Variants in VPS8 observed in about 807,000 individuals in gnomAD.
The protein encoded by VPS8 is vacuolar protein sorting-associated protein 8 homolog.
A neutral mutation model predicts 216.4 loss-of-function variants in VPS8; 129 were observed. That is an observed-to-expected ratio of 0.60 (90% CI 0.52 to 0.69). VPS8 has a LOEUF of 0.69. VPS8 is among the 30% of genes least tolerant of loss of function. The pLI is 0.00. For synonymous variants in VPS8, 571 were observed against 565.4 expected (o/e 1.01, Z -0.14); for missense variants, 1,531 against 1,683.5 (o/e 0.91, Z 1.59).
chr3:184,943,702 G>A (rs544310252), intron 36 of VPS8, among the ~76,000 whole-genome samples: 2 of 152,348 alleles, frequency 1.3e-5, no homozygotes, highest in African/African-American at 4.8e-5. Flanking sequence ...AGGACTGCTG[G>A]TGTGTATGTA....
At chr3:184,827,337 G>C (rs1412914038) in intron 3 of VPS8, among the ~76,000 whole-genome samples, 1 of 152,098 alleles carries the variant, frequency 6.6e-6, no homozygotes, top group South Asian at 2.1e-4. Flanking sequence ...TTTTAACTTT[G>C]AATGTGTTCT....
At chr3:184,909,457 CCT>C (rs1736090239) in intron 25 of VPS8, among the ~76,000 whole-genome samples, 1 of 152,106 alleles carries the variant, frequency 6.6e-6, no homozygotes, top group South Asian at 2.1e-4. Context: ...GGTCTTTTTT[CCT>C]CTCTGTTTTT....
At position 184,898,687 on chromosome 3, in the gene VPS8, A is replaced by G. The variant is rs1733955317; in HGVS notation, c.2094+33A>G. On this transcript the variant is annotated intron_variant, in intron 24 of 47. Transcript: ENST00000625842. The stretch of plus-strand genomic sequence containing the variant: ...ACTTCCTAACTTGGATACGTAATTA[A>G]TTTTGTCTACTAACTTTTTTCTCCT... The G allele has an allele frequency of 5.4e-6, 8 of 1,475,510 alleles. No individual in the cohort carries two copies. In the South Asian group the frequency reaches 6.6e-5, roughly 12 times the overall value. 91.4% of individuals were successfully genotyped at this position (1,475,510 alleles called of 1,614,324 possible).
intron 1 of VPS8, among the ~76,000 whole-genome samples, chr3:184,813,548 G>A (rs1287221565): frequency 6.6e-6 from 1 of 152,174 alleles, no homozygotes; most frequent in Admixed American, 6.5e-5. Flanking sequence ...TAGCTGGCCT[G>A]TTCCATAGAA....
At chr3:184,915,549 A>C in intron 28 of VPS8, 75 bp downstream of exon 28, 44 of 1,502,596 alleles carry the variant, frequency 2.9e-5, no homozygotes, top group Non-Finnish European at 3.8e-5. Flanking sequence ...GTGGTGGCTC[A>C]CCCCTGTAAT....
chr3:184,842,613 A>G (rs1436134716), intron 7 of VPS8, among the ~76,000 whole-genome samples: 2 of 152,196 alleles, frequency 1.3e-5, no homozygotes, highest in South Asian at 2.1e-4. Context: ...TGGCAGAGTA[A>G]TAATACTATA....
rs1273145198 is a variant in VPS8 at position 184,993,363 on chromosome 3, GTT to G, written c.3586-611_3586-610del. Among the ~76,000 whole-genome samples, 21 of 150,834 alleles carry G rather than the reference GTT, an allele frequency of 1.4e-4. No individual in the cohort carries two copies. In the South Asian group the frequency reaches 1.5e-3, roughly 11 times the overall value. On this transcript the variant is annotated intron_variant, in intron 42 of 47. Coordinates refer to ENST00000625842, the MANE Select transcript of VPS8 (RefSeq NM_001009921.3). ...TTTTGTTTTGTTTTTTGTTTTTTGG[GTT>G]TTTTTTTTGTACACTTCAGTGTTTC...
chr3:184,877,054 A>T (rs1729398766), intron 21 of VPS8, among the ~76,000 whole-genome samples: 1 of 152,166 alleles, frequency 6.6e-6, no homozygotes, highest in African/African-American at 2.4e-5. Context: ...CTGTTATACT[A>T]GAGTTCTTTC....
At chr3:184,872,133 C>G (rs943772916) in intron 21 of VPS8, among the ~76,000 whole-genome samples, 1 of 151,872 alleles carries the variant, frequency 6.6e-6, no homozygotes, top group African/African-American at 2.4e-5. Context: ...CTTGTGTATA[C>G]CAATGCAGTA....
intron 25 of VPS8, among the ~76,000 whole-genome samples, chr3:184,913,240 C>T (rs1736889792): frequency 6.6e-6 from 1 of 152,204 alleles, no homozygotes; most frequent in Non-Finnish European, 1.5e-5. Context: ...TACACCTTCC[C>T]TTGGCCCCAA....
At chr3:185,031,078 T>TG (rs1561199754) in intron 46 of VPS8, among the ~76,000 whole-genome samples, 8 of 148,454 alleles carry the variant, frequency 5.4e-5, no homozygotes, top group African/African-American at 2.0e-4. Flanking sequence ...TTTTTTTTTT[T>TG]TTTTTTTTTT....
At chr3:185,027,617 C>CACATT (rs1757576512) in intron 46 of VPS8, among the ~76,000 whole-genome samples, 1 of 152,160 alleles carries the variant, frequency 6.6e-6, no homozygotes, top group Non-Finnish European at 1.5e-5. Flanking sequence ...ACACTGTTAT[C>CACATT]AGAGTGAGAG....
intron 25 of VPS8, among the ~76,000 whole-genome samples, chr3:184,907,288 C>T (rs759345212): frequency 3.3e-5 from 5 of 152,172 alleles, no homozygotes; most frequent in Admixed American, 6.5e-5. Flanking sequence ...TGCATTTTTA[C>T]ATAAACAATA....
intron 45 of VPS8, among the ~76,000 whole-genome samples, chr3:185,007,345 C>G (rs1413889743): frequency 6.6e-6 from 1 of 152,170 alleles, no homozygotes; most frequent in Non-Finnish European, 1.5e-5. Context: ...TACTCACTTA[C>G]ATTAATACAA....
chr3:184,933,223 C>CT (rs1441555649), intron 34 of VPS8, among the ~76,000 whole-genome samples: 4 of 152,140 alleles, frequency 2.6e-5, no homozygotes, highest in Non-Finnish European at 4.4e-5. Context: ...GACTCTATAT[C>CT]CTTGGCAGAC....
chr3:184,894,603 TAAGTTG>T lies in VPS8; in HGVS notation c.1782-95_1782-90del. The T allele has an allele frequency of 3.3e-6, 3 of 903,420 alleles. No individual in the cohort carries two copies. The South Asian group carries it at 5.3e-5, about 16-fold the overall frequency. 56.0% of individuals were successfully genotyped at this position (903,420 alleles called of 1,614,324 possible). A position where few individuals can be genotyped will look rare whatever the true frequency, so the allele number is the denominator to read the frequency against. Reference sequence around the variant, plus strand: ...TTGCCATTTTAAATAAACTCATGAGTAAGTTGAAGTAGGGAAAAGATGAGATATATT... The same window carrying T: ...TTGCCATTTTAAATAAACTCATGAGTAAGTAGGGAAAAGATGAGATATATT... On this transcript the variant is annotated intron_variant, in intron 22 of 47. Coordinates refer to ENST00000625842, the MANE Select transcript of VPS8 (RefSeq NM_001009921.3).
intron 26 of VPS8, 147 bp downstream of exon 26, chr3:184,913,708 A>G (rs1262956270): frequency 1.6e-6 from 1 of 632,846 alleles, no homozygotes. Context: ...ACCATGGATA[A>G]TTTTGTCTCC....
chr3:184,917,053 G>A (rs1737719601), intron 28 of VPS8, among the ~76,000 whole-genome samples: 1 of 152,202 alleles, frequency 6.6e-6, no homozygotes, highest in Non-Finnish European at 1.5e-5. Flanking sequence ...TTATAGCACA[G>A]TGTAATATAT....
At chr3:184,821,159 G>A (rs1446459490) in intron 1 of VPS8, among the ~76,000 whole-genome samples, 3 of 152,268 alleles carry the variant, frequency 2.0e-5, no homozygotes, top group East Asian at 3.9e-4. Context: ...CCTCACAGGA[G>A]CCCTGCAGAG....
Sources: gnomAD v4.1 joint callset for allele counts (sites outside exome capture counted in the v4.1 genomes callset) on GRCh38, gnomAD v4.1.1 for gene constraint, MANE v1.5 for transcripts, NCBI Gene and HGNC (gene_info 2026-07-23, HGNC 2026-07-21) for gene names.